Variants in ESRRG observed in about 807,000 individuals in gnomAD.
The protein encoded by ESRRG is estrogen related receptor gamma, also known as estrogen-related receptor gamma.
In ESRRG, 13 loss-of-function variants were observed where a neutral mutation model predicts 44.0. The observed-to-expected ratio is 0.30, with a 90% CI of 0.19 to 0.47. The LOEUF (loss-of-function observed/expected upper bound fraction) is 0.47. Among genes scored for constraint, ESRRG ranks in the 20% least tolerant of loss-of-function variants. The probability of loss-of-function intolerance (pLI) is 1.00; values close to 1 mark genes in which losing one functional copy is unlikely to be tolerated. For missense variants in ESRRG, 395 were observed against 580.6 expected (o/e 0.68, Z 3.29); for synonymous variants, 215 against 214.6 (o/e 1.00, Z -0.02).
Position 216,852,259 on chromosome 1 carries a change from T to C in ESRRG, c.-14+87323A>G, listed in dbSNP as rs566169875. 1.2e-4 allele frequency among the ~76,000 whole-genome samples: 18 copies of C among 151,924 alleles called. No individual in the cohort carries two copies. In the South Asian group the frequency reaches 3.7e-3, roughly 31 times the overall value. On this transcript the variant is annotated intron_variant, in intron 2 of 7. Transcript: ENST00000359162. ...GGCTTCTTCATAGACAGTACTGATA[T>C]ATGCTGGGTTCTTGGCACTCAGTTA...
intron 1 of ESRRG, among the ~76,000 whole-genome samples, chr1:216,696,996 C>T (rs576528169): frequency 2.8e-3 from 417 of 150,948 alleles, no homozygotes; most frequent in African/African-American, 9.6e-3. Context: ...GACAGAGTCT[C>T]ACTCTGTTGC....
At chr1:217,059,260 T>G (rs972206196) in intron 1 of ESRRG, among the ~76,000 whole-genome samples, 1 of 151,130 alleles carries the variant, frequency 6.6e-6, no homozygotes, top group Non-Finnish European at 1.5e-5. Context: ...ACCATGGTTA[T>G]TATATAATAA....
intron 1 of ESRRG, among the ~76,000 whole-genome samples, chr1:217,010,243 T>G (rs1285425198): frequency 6.6e-6 from 1 of 152,218 alleles, no homozygotes; most frequent in Non-Finnish European, 1.5e-5. Context: ...TTTTGCTGTT[T>G]GCCTGTTCTT....
chr1:216,804,603 G>A (rs539028246), intron 2 of ESRRG, among the ~76,000 whole-genome samples: 8 of 151,768 alleles, frequency 5.3e-5, no homozygotes, highest in Admixed American at 4.6e-4. Context: ...TAACTTGTAG[G>A]AGCAATCATT....
chr1:216,577,779 A>ATTT (rs1558607054), intron 3 of ESRRG, among the ~76,000 whole-genome samples: 23 of 151,136 alleles, frequency 1.5e-4, no homozygotes, highest in Non-Finnish European at 2.5e-4. Context: ...GATTTTTTTA[A>ATTT]AAAAAAAGGA....
chr1:216,714,952 A>C (rs931640697), intron 1 of ESRRG: 5 of 364,234 alleles, frequency 1.4e-5, no homozygotes, highest in African/African-American at 1.1e-4. Context: ...AGTAACAACA[A>C]ATTCCTGACC....
At chr1:216,981,250 A>C (rs1015270185) in intron 1 of ESRRG, among the ~76,000 whole-genome samples, 1 of 152,188 alleles carries the variant, frequency 6.6e-6, no homozygotes, top group Non-Finnish European at 1.5e-5. Flanking sequence ...GAAAAACTAT[A>C]ATTTGTCTCT....
intron 2 of ESRRG, among the ~76,000 whole-genome samples, chr1:216,901,175 TG>T (rs2059025753): frequency 6.6e-6 from 1 of 150,648 alleles, no homozygotes. Flanking sequence ...GCATGGGGGG[TG>T]GGGGTGACAG....
At chr1:216,575,021 C>T (rs958364579) in intron 3 of ESRRG, among the ~76,000 whole-genome samples, 28 of 152,108 alleles carry the variant, frequency 1.8e-4, no homozygotes, top group Non-Finnish European at 3.1e-4. Context: ...CTTAGAAGAG[C>T]GGCAGGAAAA....
chr1:216,816,760 T>C (rs1028138455), intron 2 of ESRRG, among the ~76,000 whole-genome samples: 6 of 152,270 alleles, frequency 3.9e-5, no homozygotes, highest in African/African-American at 1.4e-4. Context: ...CATACGACTT[T>C]TAAGATGTTT....
At chr1:216,745,574 A>G (rs1479527024) in intron 2 of ESRRG, among the ~76,000 whole-genome samples, 1 of 151,282 alleles carries the variant, frequency 6.6e-6, no homozygotes, top group Non-Finnish European at 1.5e-5. Context: ...TACCCTCTTG[A>G]GTTGAAGGCT....
At chr1:216,907,210 A>G (rs1046010507) in intron 2 of ESRRG, among the ~76,000 whole-genome samples, 1 of 152,154 alleles carries the variant, frequency 6.6e-6, no homozygotes, top group Non-Finnish European at 1.5e-5. Flanking sequence ...GCATCTCTGC[A>G]CCTGTTCACC....
chr1:217,121,141 C>G (rs1363813731), intron 1 of ESRRG, among the ~76,000 whole-genome samples: 2 of 151,980 alleles, frequency 1.3e-5, no homozygotes, highest in African/African-American at 4.8e-5. Flanking sequence ...CACACACACA[C>G]ACACACACAC....
At chr1:216,887,366 A>G (rs2096530312) in intron 2 of ESRRG, among the ~76,000 whole-genome samples, 1 of 152,194 alleles carries the variant, frequency 6.6e-6, no homozygotes, top group Admixed American at 6.5e-5. Flanking sequence ...ACTGATTTCA[A>G]ACTTGAACTA....
chr1:216,663,365 C>T (rs1182066275), intron 2 of ESRRG, among the ~76,000 whole-genome samples: 1 of 151,978 alleles, frequency 6.6e-6, no homozygotes, highest in African/African-American at 2.4e-5. Context: ...ATAGTATGCA[C>T]TGAAAAGAAA....
chr1:217,053,513 T>A (rs1580146970), intron 1 of ESRRG, among the ~76,000 whole-genome samples: 1 of 141,156 alleles, frequency 7.1e-6, no homozygotes, highest in Non-Finnish European at 1.6e-5. Flanking sequence ...CCTGCTGTAA[T>A]GGGGTTGCAA....
At position 217,013,448 on chromosome 1, in the gene ESRRG, G is replaced by T. The variant is rs190165267; in HGVS notation, c.-105-73775C>A. On this transcript the variant is annotated intron_variant, in intron 1 of 7. Transcript: ENST00000359162. ...AAAATTGCATAACTTTTGTTGTTTT[G>T]CTTCCATGTCCATGGACATTTGAAC... Among the ~76,000 whole-genome samples, 179 of 152,228 alleles carry T rather than the reference G, an allele frequency of 1.2e-3. 1 individual carries two copies. The highest frequency in any genetic ancestry group is 3.5e-3 in the Admixed American group (53 of 15,296).
At chr1:217,000,932 C>G (rs12121739) in intron 1 of ESRRG, among the ~76,000 whole-genome samples, 1 of 152,046 alleles carries the variant, frequency 6.6e-6, no homozygotes, top group Non-Finnish European at 1.5e-5. Flanking sequence ...TGCCGTTCAC[C>G]GGCACCAAAA....
intron 1 of ESRRG, among the ~76,000 whole-genome samples, chr1:216,993,231 G>A (rs897756691): frequency 3.9e-5 from 6 of 152,090 alleles, no homozygotes; most frequent in African/African-American, 1.4e-4. Flanking sequence ...ATTTCTCTAA[G>A]TCTCATACTC....
Sources: allele counts gnomAD v4.1 joint callset (sites outside exome capture counted in the v4.1 genomes callset), GRCh38; gene constraint gnomAD v4.1.1; transcripts MANE v1.5; gene names NCBI Gene and HGNC (gene_info 2026-07-23, HGNC 2026-07-21).